Variants in PTPRN2 observed in about 807,000 individuals in gnomAD.
PTPRN2 encodes the protein protein tyrosine phosphatase receptor type N2.
In PTPRN2, 74 loss-of-function variants were observed where a neutral mutation model predicts 118.8. That is an observed-to-expected ratio of 0.62 (90% CI 0.52 to 0.76). The LOEUF is 0.76. PTPRN2 is among the 30% of genes least tolerant of loss of function. The pLI is 0.00. For missense variants in PTPRN2, 1,481 were observed against 1,394.4 expected, an observed-to-expected ratio of 1.06 and a Z score of -0.99; for synonymous variants, 641 against 608.0, an observed-to-expected ratio of 1.05 and a Z score of -0.80.
chr7:157,751,842 AGGAGGGAG>A (rs535209512), intron 12 of PTPRN2, among the ~76,000 whole-genome samples: 1 of 132,090 alleles, frequency 7.6e-6, no homozygotes, highest in African/African-American at 2.8e-5. Context: ...CTAAAGAGAG[AGGAGGGAG>A]GGAGGGAGGG....
intron 5 of PTPRN2, among the ~76,000 whole-genome samples, chr7:158,170,144 G>A (rs112894336): frequency 0.011 from 1,599 of 152,286 alleles, 21 homozygotes; most frequent in African/African-American, 0.033. Context: ...GAGAAAGAGC[G>A]AGAGCGAGCG....
intron 13 of PTPRN2, 68 bp from the exon 14 acceptor site, chr7:157,656,619 C>T (rs1343664702): frequency 1.8e-5 from 25 of 1,375,568 alleles, no homozygotes; most frequent in African/African-American, 4.3e-5. Context: ...ACGAGGGCCA[C>T]GGCACCCACG....
At chr7:158,315,500 T>C (rs1257713280) in intron 3 of PTPRN2, among the ~76,000 whole-genome samples, 1 of 143,988 alleles carries the variant, frequency 6.9e-6, no homozygotes, top group Non-Finnish European at 1.5e-5. Flanking sequence ...CGGGACGCCC[T>C]CAAGGACAGA....
At chr7:157,730,173 C>G (rs1413065814) in intron 12 of PTPRN2, among the ~76,000 whole-genome samples, 1 of 143,498 alleles carries the variant, frequency 7.0e-6, no homozygotes, top group African/African-American at 2.5e-5. Flanking sequence ...GAGTCCCACT[C>G]AGGCCACCAC....
rs776837136 is a variant in PTPRN2, at chr7:158,138,529, C to T, written c.911-14G>A. The stretch of plus-strand genomic sequence containing the variant: ...GAATCCGTGCTCCTAGGGGCACACA[C>T]ACAAACACAAGGACGTTGTGGGTGG... On this transcript the variant is annotated splice_polypyrimidine_tract_variant and intron_variant, in intron 6 of 22. Coordinates refer to ENST00000389418, the MANE Select transcript of PTPRN2 (RefSeq NM_002847.5). The T allele has an allele frequency of 1.2e-6, 2 of 1,604,728 alleles. No homozygotes were observed. The highest frequency in any genetic ancestry group is 2.2e-5 in the South Asian group (2 of 90,968).
chr7:158,018,583 C>A (rs1806618655), intron 11 of PTPRN2, among the ~76,000 whole-genome samples: 1 of 152,070 alleles, frequency 6.6e-6, no homozygotes, highest in South Asian at 2.1e-4. Context: ...ATCTCTTGTC[C>A]CACAGTGGCT....
intron 1 of PTPRN2, among the ~76,000 whole-genome samples, chr7:158,554,198 G>A (rs534791103): frequency 1.2e-4 from 19 of 152,346 alleles, no homozygotes; most frequent in African/African-American, 3.4e-4. Flanking sequence ...CCTGGGAGGC[G>A]GAGTTGTAGT....
rs1360587723 is a variant in PTPRN2, at chr7:158,072,026, A to ATGGTGGAGGTGCTCGTGG, written c.1723+9254_1723+9271dup. On this transcript the variant is annotated intron_variant, in intron 11 of 22. Coordinates refer to ENST00000389418, the MANE Select transcript of PTPRN2 (RefSeq NM_002847.5). ...AGGTGCTCGTCGTATGGAGGTGCTC[A>ATGGTGGAGGTGCTCGTGG]TGGTGGAGGTGCTCGTGGTGGTGGA... Among the ~76,000 whole-genome samples, 105 of 70,538 alleles carry ATGGTGGAGGTGCTCGTGG rather than the reference A, an allele frequency of 1.5e-3. 1 individual carries two copies. Among genetic ancestry groups the ATGGTGGAGGTGCTCGTGG allele is most frequent in the African/African-American group, 6.1e-3 (99 of 16,194 alleles). 46.3% of individuals were successfully genotyped at this position (70,538 alleles called of 152,430 possible).
At chr7:157,662,314 A>C (rs1411096973) in intron 13 of PTPRN2, among the ~76,000 whole-genome samples, 1 of 152,198 alleles carries the variant, frequency 6.6e-6, no homozygotes, top group African/African-American at 2.4e-5. Flanking sequence ...TTATTAGTTT[A>C]TTCAAAATCA....
intron 10 of PTPRN2, among the ~76,000 whole-genome samples, chr7:158,107,674 C>T (rs936889089): frequency 6.6e-6 from 1 of 152,166 alleles, no homozygotes; most frequent in Non-Finnish European, 1.5e-5. Context: ...CTTGAAGCTG[C>T]CTTTCTACAA....
chr7:158,571,090 A>G (rs1460221161), intron 1 of PTPRN2, among the ~76,000 whole-genome samples: 1 of 151,938 alleles, frequency 6.6e-6, no homozygotes, highest in Non-Finnish European at 1.5e-5. Flanking sequence ...ATTTTATTTC[A>G]TTTTATTTCC....
intron 9 of PTPRN2, among the ~76,000 whole-genome samples, chr7:158,120,383 A>G (rs1817060862): frequency 6.6e-6 from 1 of 152,180 alleles, no homozygotes; most frequent in African/African-American, 2.4e-5. Context: ...TGGGAAGATG[A>G]AACAAGGTGA....
chr7:158,007,673 G>T (rs1805724456), intron 11 of PTPRN2, among the ~76,000 whole-genome samples: 1 of 152,186 alleles, frequency 6.6e-6, no homozygotes, highest in Non-Finnish European at 1.5e-5. Context: ...CAGTCAGCCT[G>T]GTCCCTATGC....
rs111266018 is a variant in PTPRN2, at chr7:158,370,363, G to A, written c.164-53431C>T. 2.2e-3 allele frequency among the ~76,000 whole-genome samples: 329 copies of A among 152,300 alleles called. 1 individual carries two copies. The highest frequency in any genetic ancestry group is 7.4e-3 in the African/African-American group (307 of 41,564). On this transcript the variant is annotated intron_variant, in intron 2 of 22. Transcript: ENST00000389418. ...AGGCAGGAGAATTGCTTGAACCTGG[G>A]AGGCAGAGGTTGCAGTGAGCCGAGA...
At chr7:157,614,238 G>T (rs1186489111) in intron 15 of PTPRN2, 2 of 414,794 alleles carry the variant, frequency 4.8e-6, no homozygotes, top group Non-Finnish European at 1.0e-5. Context: ...CGCAGAGCAG[G>T]CTGGTCATGT....
At chr7:158,554,495 T>C (rs1306762309) in intron 1 of PTPRN2, among the ~76,000 whole-genome samples, 2 of 151,944 alleles carry the variant, frequency 1.3e-5, no homozygotes, top group East Asian at 1.9e-4. Flanking sequence ...TATTGCTTTA[T>C]CTGTGTTCTC....
chr7:157,570,649 G>C (rs1799712492), intron 20 of PTPRN2, among the ~76,000 whole-genome samples: 1 of 152,182 alleles, frequency 6.6e-6, no homozygotes, highest in African/African-American at 2.4e-5. Context: ...CGTACTTAGG[G>C]ATATGAGTCA....
rs547935548 is a variant in PTPRN2 at position 157,753,178 on chromosome 7, G to A, written c.1789-70241C>T. ...ATCCTAAACGCCTCCCTCTGCTGACGTCGGAACCCACACCCCGCGCAGTGG... is the reference window on the plus strand; with the variant it reads ...ATCCTAAACGCCTCCCTCTGCTGACATCGGAACCCACACCCCGCGCAGTGG... On this transcript the variant is annotated intron_variant, in intron 12 of 22. Coordinates refer to ENST00000389418, the MANE Select transcript of PTPRN2 (RefSeq NM_002847.5). Among the ~76,000 whole-genome samples, 9 of 152,262 alleles carry A rather than the reference G, an allele frequency of 5.9e-5. No homozygotes were observed. The South Asian group carries it at 1.2e-3, about 21-fold the overall frequency.
chr7:158,270,949 ACCTGGACCACCCCTCC>A lies in PTPRN2; in HGVS notation c.277+45854_277+45869del. On this transcript the variant is annotated intron_variant, in intron 3 of 22. Coordinates refer to ENST00000389418, the MANE Select transcript of PTPRN2 (RefSeq NM_002847.5). The stretch of plus-strand genomic sequence containing the variant: ...CCCCCCCCACCTGGACCACCCCCCC[ACCTGGACCACCCCTCC>A]ACCTGGACCACCCCCTCCACCTGGG... Among the ~76,000 whole-genome samples, 4 of 4,250 alleles carry A rather than the reference ACCTGGACCACCCCTCC, an allele frequency of 9.4e-4. No individual in the cohort carries two copies. The South Asian group carries it at 0.021, about 22-fold the overall frequency. The allele number at this position is 4,250 out of a possible 152,430, so 2.8% of individuals were successfully genotyped here.
Sources: gnomAD v4.1 joint callset for allele counts (sites outside exome capture counted in the v4.1 genomes callset) on GRCh38, gnomAD v4.1.1 for gene constraint, MANE v1.5 for transcripts, NCBI Gene and HGNC (gene_info 2026-07-23, HGNC 2026-07-21) for gene names.